Variants in SRPK2 observed in about 807,000 individuals in gnomAD.
SRPK2 encodes the protein SFRS protein kinase 2.
Under a neutral mutation model 90.8 loss-of-function variants are expected in SRPK2, and 21 were observed. The ratio of observed to expected loss-of-function variants is 0.23; its 90% CI spans 0.16 to 0.33. The LOEUF (loss-of-function observed/expected upper bound fraction) is 0.33. Among genes scored for constraint, SRPK2 ranks in the 10% least tolerant of loss-of-function variants. The probability of loss-of-function intolerance (pLI) is 1.00; values close to 1 mark genes in which losing one functional copy is unlikely to be tolerated. For missense variants in SRPK2, 620 were observed against 869.0 expected (o/e 0.71, Z 3.60); for synonymous variants, 288 against 311.1 (o/e 0.93, Z 0.78).
chr7:105,317,619 A>C (rs543652323), intron 2 of SRPK2, among the ~76,000 whole-genome samples: 89 of 152,342 alleles, frequency 5.8e-4, no homozygotes, highest in Middle Eastern at 6.8e-3. Flanking sequence ...TATTTTCTTC[A>C]TATATTTCAA....
In SRPK2 at chr7:105,302,591, G is replaced by C. The variant is rs185446200; in HGVS notation, c.71+86057C>G. 1.1e-4 allele frequency among the ~76,000 whole-genome samples: 16 copies of C among 152,194 alleles called. No individual in the cohort carries two copies. The East Asian group carries it at 3.1e-3, about 29-fold the overall frequency. Reference sequence around the variant, plus strand: ...CAGAGAAATTTAAATGCTGGTATTTGAACTTTATACATGATACTTTTTCTA... The same window carrying C: ...CAGAGAAATTTAAATGCTGGTATTTCAACTTTATACATGATACTTTTTCTA... On this transcript the variant is annotated intron_variant, in intron 2 of 15. Coordinates refer to ENST00000393651, the MANE Select transcript of SRPK2 (RefSeq NM_182692.3).
chr7:105,366,345 G>T (rs1435843349), intron 2 of SRPK2, among the ~76,000 whole-genome samples: 1 of 145,404 alleles, frequency 6.9e-6, no homozygotes, highest in African/African-American at 2.5e-5. Context: ...TTCTCTAATT[G>T]TATTAGCATC....
intron 2 of SRPK2, among the ~76,000 whole-genome samples, chr7:105,344,840 T>TAAAA (rs35086357): frequency 1.4e-5 from 2 of 141,332 alleles, no homozygotes; most frequent in South Asian, 2.2e-4. Context: ...CACTCACACT[T>TAAAA]AAAAAAAAAA....
At chr7:105,270,193 T>C (rs902935202) in intron 2 of SRPK2, among the ~76,000 whole-genome samples, 1 of 152,150 alleles carries the variant, frequency 6.6e-6, no homozygotes, top group Admixed American at 6.5e-5. Context: ...GAATACCTGA[T>C]GAGAGAGCAG....
At chr7:105,225,464 T>C (rs1350835007) in intron 2 of SRPK2, among the ~76,000 whole-genome samples, 4 of 152,198 alleles carry the variant, frequency 2.6e-5, no homozygotes, top group African/African-American at 7.2e-5. Flanking sequence ...GAATGAAGTA[T>C]GGCAGAGCTC....
chr7:105,208,535 A>G (rs1796475784), intron 2 of SRPK2, among the ~76,000 whole-genome samples: 1 of 152,232 alleles, frequency 6.6e-6, no homozygotes, highest in East Asian at 1.9e-4. Flanking sequence ...CCAGTCAGAA[A>G]AGACCGCAGG....
intron 2 of SRPK2, among the ~76,000 whole-genome samples, chr7:105,363,679 TATATACC>T: frequency 6.6e-6 from 1 of 152,306 alleles, no homozygotes; most frequent in East Asian, 1.9e-4. Context: ...CATTACTGGG[TATATACC>T]CAAAGGATTA....
intron 2 of SRPK2, among the ~76,000 whole-genome samples, chr7:105,313,800 T>TTGTCAGTGGGTGTATA (rs1261186900): frequency 1.3e-5 from 2 of 151,908 alleles, no homozygotes; most frequent in African/African-American, 2.4e-5. Flanking sequence ...GCAAGGTACA[T>TTGTCAGTGGGTGTATA]TGTCAGTGGG....
chr7:105,314,797 C>T (rs1031486440), intron 2 of SRPK2, among the ~76,000 whole-genome samples: 1 of 152,134 alleles, frequency 6.6e-6, no homozygotes, highest in Non-Finnish European at 1.5e-5. Flanking sequence ...AAAAGAAAAA[C>T]CTGTAAACAT....
At chr7:105,338,090 A>AAAC (rs1815321185) in intron 2 of SRPK2, among the ~76,000 whole-genome samples, 1 of 151,302 alleles carries the variant, frequency 6.6e-6, no homozygotes, top group African/African-American at 2.4e-5. Flanking sequence ...TAAAAAAAAA[A>AAAC]AAAACTTTTT....
intron 2 of SRPK2, among the ~76,000 whole-genome samples, chr7:105,252,300 G>C (rs750271417): frequency 6.6e-6 from 1 of 151,916 alleles, no homozygotes; most frequent in African/African-American, 2.4e-5. Context: ...AAGGGCAAAA[G>C]AATTTTAAAA....
chr7:105,301,289 A>G (rs1276444815), intron 2 of SRPK2, among the ~76,000 whole-genome samples: 90 of 146,006 alleles, frequency 6.2e-4, no homozygotes, highest in African/African-American at 2.2e-3. Flanking sequence ...AAAAATACAA[A>G]AAAAAAAAAA....
intron 2 of SRPK2, among the ~76,000 whole-genome samples, chr7:105,358,635 G>A (rs1054602871): frequency 1.3e-4 from 19 of 151,996 alleles, no homozygotes; most frequent in South Asian, 2.1e-4. Context: ...GCAGTAGGAC[G>A]AGGTCATGCC....
Position 105,388,578 on chromosome 7 carries a change from C to T in SRPK2, c.71+70G>A, listed in dbSNP as rs1034931306. On this transcript the variant is annotated intron_variant, in intron 2 of 15. Transcript: ENST00000393651. ...CGGCCCGGGGACCCGGACAACTTTC[C>T]CCTGCGCGGCCGCGGGCGCCCCCGA... The T allele has an allele frequency of 5.0e-5, 73 of 1,445,676 alleles. No individual in the cohort carries two copies. The Admixed American group carries it at 1.3e-3, about 27-fold the overall frequency. 89.6% of individuals were successfully genotyped at this position (1,445,676 alleles called of 1,614,324 possible).
chr7:105,138,187 C>T (rs961433802), intron 11 of SRPK2, among the ~76,000 whole-genome samples: 25 of 152,220 alleles, frequency 1.6e-4, no homozygotes, highest in Admixed American at 1.3e-3. Context: ...AAAGGTATCA[C>T]TCATTTGTTT....
intron 2 of SRPK2, among the ~76,000 whole-genome samples, chr7:105,240,918 T>C (rs770011965): frequency 6.4e-4 from 98 of 152,302 alleles, no homozygotes; most frequent in Non-Finnish European, 5.7e-4. Context: ...CAGCCTGCAA[T>C]GTTTTATTGT....
intron 5 of SRPK2, among the ~76,000 whole-genome samples, chr7:105,167,703 C>T (rs1318593319): frequency 6.6e-6 from 1 of 152,128 alleles, no homozygotes; most frequent in East Asian, 1.9e-4. Context: ...CTCTGCCTCC[C>T]AGGTTCAAGT....
chr7:105,362,346 G>A (rs1448984782), intron 2 of SRPK2, among the ~76,000 whole-genome samples: 2 of 152,050 alleles, frequency 1.3e-5, no homozygotes, highest in East Asian at 1.9e-4. Context: ...GGTGGCTCAC[G>A]CCTGTAGTCC....
intron 11 of SRPK2, among the ~76,000 whole-genome samples, chr7:105,141,469 A>G (rs896632365): frequency 6.6e-6 from 1 of 152,240 alleles, no homozygotes; most frequent in Non-Finnish European, 1.5e-5. Flanking sequence ...GAGCCAATCT[A>G]TAATCTGTCA....
Sources: allele counts gnomAD v4.1 joint callset (sites outside exome capture counted in the v4.1 genomes callset), GRCh38; gene constraint gnomAD v4.1.1; transcripts MANE v1.5; gene names NCBI Gene and HGNC (gene_info 2026-07-23, HGNC 2026-07-21).